The following FRMD3 variants were observed in gnomAD, a reference collection of about 807,000 sequenced individuals.
The protein encoded by FRMD3 is FERM domain-containing protein 3.
FRMD3 carries 33 observed loss-of-function variants against 70.2 expected under a neutral mutation model. That is an observed-to-expected ratio of 0.47 (90% confidence interval 0.36 to 0.63). The LOEUF (loss-of-function observed/expected upper bound fraction) is 0.63. Ranked by LOEUF, FRMD3 falls within the 20% of genes least tolerant of loss-of-function variation. The probability of loss-of-function intolerance (pLI) is 0.00; values close to 1 mark genes in which losing one functional copy is unlikely to be tolerated. For missense variants in FRMD3, 632 were observed against 711.4 expected (o/e 0.89, Z 1.27); for synonymous variants, 279 against 255.9 (o/e 1.09, Z -0.86).
At chr9:83,452,393 T>C (rs756130245) in intron 1 of FRMD3, among the ~76,000 whole-genome samples, 1 of 152,158 alleles carries the variant, frequency 6.6e-6, no homozygotes, top group Non-Finnish European at 1.5e-5. Context: ...GAAAAAAAAT[T>C]AGTTGGTCTA....
At chr9:83,572,462 C>T in the FRMD3 span, among the ~76,000 whole-genome samples, 1 of 152,136 alleles carries the variant, frequency 6.6e-6, no homozygotes, top group African/African-American at 2.4e-5. Flanking sequence ...CTTGTGAAGT[C>T]TCTTTTCATT....
At chr9:83,388,473 G>T (rs1252392696) in intron 2 of FRMD3, among the ~76,000 whole-genome samples, 2 of 152,214 alleles carry the variant, frequency 1.3e-5, no homozygotes, top group Non-Finnish European at 2.9e-5. Flanking sequence ...GAGCCTCTGA[G>T]CATATGGCTG....
In FRMD3 at chr9:83,461,903, T is replaced by A. The variant is rs112649214; in HGVS notation, c.148-72195A>T. On this transcript the variant is annotated intron_variant, in intron 1 of 13. Transcript: ENST00000304195. ...GGTTTCGCCATGTTGGACAGTCTGG[T>A]CTCAAACTCCTGACTTCAAGTTATC... Among the ~76,000 whole-genome samples the A allele has an allele frequency of 6.9e-3, 1,053 of 152,078 alleles. 12 individuals are homozygous for A. Among genetic ancestry groups the A allele is most frequent in the African/African-American group, 0.024 (993 of 41,458 alleles).
intron 1 of FRMD3, among the ~76,000 whole-genome samples, chr9:83,416,745 G>GTCCCTCTC (rs1826454711): frequency 2.0e-5 from 2 of 102,288 alleles, no homozygotes; most frequent in East Asian, 3.1e-4. Flanking sequence ...ATTTCTCTCT[G>GTCCCTCTC]TCTCTCTCTC....
chr9:83,525,538 C>G (rs1829667555), intron 1 of FRMD3, among the ~76,000 whole-genome samples: 1 of 152,150 alleles, frequency 6.6e-6, no homozygotes, highest in South Asian at 2.1e-4. Flanking sequence ...CCTCATATAA[C>G]ATGTTTAATT....
rs184224269 is a variant in FRMD3, at chr9:83,480,599, G to A, written c.147+57486C>T. On this transcript the variant is annotated intron_variant, in intron 1 of 13. Transcript: ENST00000304195. ...CAACCTCCATCTCCCGGGTTCAAGT[G>A]ATTCTCCTGCCTCAGACTCCCAGGT... Among the ~76,000 whole-genome samples the A allele has an allele frequency of 1.0e-3, 154 of 151,404 alleles. 1 individual carries two copies. The highest frequency in any genetic ancestry group is 3.4e-3 in the African/African-American group (142 of 41,194).
chr9:83,339,422 GC>G (rs1823684413), intron 5 of FRMD3, among the ~76,000 whole-genome samples: 1 of 152,150 alleles, frequency 6.6e-6, no homozygotes, highest in Non-Finnish European at 1.5e-5. Flanking sequence ...ACAACTGGAG[GC>G]CCTGCGGTTT....
upstream of FRMD3, among the ~76,000 whole-genome samples, chr9:83,543,371 T>C (rs1830020001): frequency 6.6e-6 from 1 of 152,016 alleles, no homozygotes; most frequent in Admixed American, 6.5e-5. Flanking sequence ...AGATTGCTAG[T>C]TTCCAAACTG....
intron 1 of FRMD3, among the ~76,000 whole-genome samples, chr9:83,442,216 T>C (rs1827319159): frequency 6.6e-6 from 1 of 151,528 alleles, no homozygotes; most frequent in Non-Finnish European, 1.5e-5. Flanking sequence ...AATCTTTAAG[T>C]CCTTACAAAA....
intron 10 of FRMD3, among the ~76,000 whole-genome samples, chr9:83,308,895 C>T (rs1214032901): frequency 6.6e-6 from 1 of 152,062 alleles, no homozygotes; most frequent in Non-Finnish European, 1.5e-5. Context: ...CCAGAAATAT[C>T]AGAGAGTATT....
intron 13 of FRMD3, chr9:83,266,945 A>C: frequency 6.8e-7 from 1 of 1,475,998 alleles, no homozygotes; most frequent in Non-Finnish European, 9.2e-7. Context: ...CTCCACCAGC[A>C]GTGAGCAGGA....
At chr9:83,391,453 G>A (rs538040543) in intron 1 of FRMD3, among the ~76,000 whole-genome samples, 1 of 152,234 alleles carries the variant, frequency 6.6e-6, no homozygotes, top group East Asian at 1.9e-4. Flanking sequence ...GAATGGCAAA[G>A]CCCTCTTCAT....
intron 1 of FRMD3, among the ~76,000 whole-genome samples, chr9:83,463,293 T>A (rs574145696): frequency 6.6e-6 from 1 of 152,318 alleles, no homozygotes; most frequent in Non-Finnish European, 1.5e-5. Flanking sequence ...TATTAGTCTA[T>A]TCTCATGCTA....
intron 6 of FRMD3, among the ~76,000 whole-genome samples, chr9:83,327,915 G>T (rs13293256): frequency 0.43 from 65,791 of 151,908 alleles, 14,600 homozygotes; most frequent in African/African-American, 0.53. Flanking sequence ...CTTAGAGAGG[G>T]ACATTATCTC....
intron 1 of FRMD3, among the ~76,000 whole-genome samples, chr9:83,493,958 C>A (rs922948484): frequency 1.1e-4 from 17 of 152,218 alleles, no homozygotes; most frequent in African/African-American, 2.4e-5. Context: ...ATAGGTACAG[C>A]TGCATAGATC....
At chr9:83,521,139 C>CA (rs1251280556) in intron 1 of FRMD3, among the ~76,000 whole-genome samples, 33 of 145,018 alleles carry the variant, frequency 2.3e-4, no homozygotes, top group Admixed American at 6.9e-4. Flanking sequence ...GACTCCATCT[C>CA]AAAAAAAAAA....
chr9:83,506,452 C>T (rs949574603), intron 1 of FRMD3, among the ~76,000 whole-genome samples: 1 of 152,216 alleles, frequency 6.6e-6, no homozygotes, highest in Non-Finnish European at 1.5e-5. Flanking sequence ...ATCTGTATAG[C>T]ATGTGACTGT....
At chr9:83,321,703 A>C (rs1230882223) in intron 6 of FRMD3, among the ~76,000 whole-genome samples, 1 of 152,184 alleles carries the variant, frequency 6.6e-6, no homozygotes, top group Non-Finnish European at 1.5e-5. Flanking sequence ...CATGGTCTAA[A>C]GTCCAACTTC....
chr9:83,330,119 C>T (rs937677909), intron 6 of FRMD3, among the ~76,000 whole-genome samples: 1 of 152,118 alleles, frequency 6.6e-6, no homozygotes, highest in African/African-American at 2.4e-5. Flanking sequence ...AATCCCAGCA[C>T]TTTGGGAGGC....
Sources: allele counts gnomAD v4.1 joint callset (sites outside exome capture counted in the v4.1 genomes callset), GRCh38; gene constraint gnomAD v4.1.1; transcripts MANE v1.5; gene names NCBI Gene and HGNC (gene_info 2026-07-23, HGNC 2026-07-21).